Variants in DLGAP1 observed in about 807,000 individuals in gnomAD.
DLGAP1 encodes disks large-associated protein 1.
A neutral mutation model predicts 90.8 loss-of-function variants in DLGAP1; 11 were observed. The ratio of observed to expected loss-of-function variants is 0.12; its 90% CI spans 0.08 to 0.20. The LOEUF is 0.20. DLGAP1 is among the 10% of genes least tolerant of loss of function. The pLI is 1.00. For synonymous variants in DLGAP1, 558 were observed against 540.7 expected (o/e 1.03, Z -0.44); for missense variants, 1,050 against 1,333.8 (o/e 0.79, Z 3.31).
intron 2 of DLGAP1, among the ~76,000 whole-genome samples, chr18:4,093,591 A>C (rs908531620): frequency 6.6e-6 from 1 of 152,214 alleles, no homozygotes; most frequent in African/African-American, 2.4e-5. Context: ...ATCAAAAAAA[A>C]AAAGGTCTTT....
chr18:4,352,002 G>A (rs2143989727), intron 1 of DLGAP1, among the ~76,000 whole-genome samples: 1 of 152,238 alleles, frequency 6.6e-6, no homozygotes, highest in East Asian at 1.9e-4. Context: ...ACCATGAGGT[G>A]CAACAGAATA....
intron 1 of DLGAP1, among the ~76,000 whole-genome samples, chr18:4,313,224 TA>T (rs1758990828): frequency 6.6e-6 from 1 of 152,132 alleles, no homozygotes; most frequent in African/African-American, 2.4e-5. Context: ...AAGCACTAAA[TA>T]AGGAATTTTA....
At chr18:3,794,283 T>C (rs7241057) in intron 5 of DLGAP1, among the ~76,000 whole-genome samples, 150,081 of 152,306 alleles carry the variant, frequency 0.99, 73,946 homozygotes, top group East Asian at 1. Context: ...AGGTCAGTGA[T>C]GAGGCAGGAA....
intron 7 of DLGAP1, among the ~76,000 whole-genome samples, chr18:3,641,452 G>A (rs1017366704): frequency 1.2e-4 from 18 of 149,546 alleles, no homozygotes; most frequent in African/African-American, 3.0e-4. Flanking sequence ...CAGGAGAATC[G>A]CTTGAACCCG....
intron 1 of DLGAP1, among the ~76,000 whole-genome samples, chr18:4,335,329 C>T (rs1228132145): frequency 2.0e-5 from 3 of 151,944 alleles, no homozygotes; most frequent in East Asian, 1.9e-4. Flanking sequence ...TCCCACCTTC[C>T]ACAGCATGAT....
At chr18:3,865,906 A>G (rs1458843592) in intron 4 of DLGAP1, among the ~76,000 whole-genome samples, 1 of 152,170 alleles carries the variant, frequency 6.6e-6, no homozygotes, top group Non-Finnish European at 1.5e-5. Flanking sequence ...CCCCATCTTC[A>G]TCTTATTCTT....
chr18:3,557,753 C>T (rs1057012827), intron 9 of DLGAP1, among the ~76,000 whole-genome samples: 2 of 151,864 alleles, frequency 1.3e-5, no homozygotes, highest in African/African-American at 4.8e-5. Flanking sequence ...GTGGTGAAAC[C>T]CTGTCTCTAC....
At chr18:3,814,336 CTTTTTT>C in intron 4 of DLGAP1, 63 bp from the exon 5 acceptor site, 1 of 1,147,416 alleles carries the variant, frequency 8.7e-7, no homozygotes, top group South Asian at 1.6e-5. Flanking sequence ...TTTTCTTTTT[CTTTTTT>C]TTTAGATTTA....
At chr18:4,010,593 G>A (rs1270241520) in intron 2 of DLGAP1, among the ~76,000 whole-genome samples, 1 of 151,972 alleles carries the variant, frequency 6.6e-6, no homozygotes, top group Non-Finnish European at 1.5e-5. Flanking sequence ...TGAGAATGAA[G>A]CATTTGAGGC....
chr18:4,265,841 T>C (rs2079118820), intron 1 of DLGAP1, among the ~76,000 whole-genome samples: 1 of 151,504 alleles, frequency 6.6e-6, no homozygotes. Context: ...GTGTGTGCCA[T>C]CATACCTGGC....
intron 1 of DLGAP1, among the ~76,000 whole-genome samples, chr18:4,330,261 A>T (rs1568517826): frequency 6.6e-6 from 1 of 151,580 alleles, no homozygotes; most frequent in Non-Finnish European, 1.5e-5. Flanking sequence ...TTATTTTCTG[A>T]TTGGACTGGC....
intron 7 of DLGAP1, among the ~76,000 whole-genome samples, chr18:3,595,378 T>TA (rs2056521343): frequency 6.6e-6 from 1 of 152,192 alleles, no homozygotes; most frequent in Non-Finnish European, 1.5e-5. Context: ...TGGACTTCTA[T>TA]TGAAGTTTGG....
At chr18:3,839,216 A>G (rs1228805758) in intron 4 of DLGAP1, among the ~76,000 whole-genome samples, 1 of 152,206 alleles carries the variant, frequency 6.6e-6, no homozygotes, top group African/African-American at 2.4e-5. Context: ...TAATTCATCA[A>G]TCCACTCATT....
chr18:4,137,030 C>T (rs1846652393), intron 2 of DLGAP1, among the ~76,000 whole-genome samples: 1 of 152,112 alleles, frequency 6.6e-6, no homozygotes, highest in South Asian at 2.1e-4. Flanking sequence ...AGGTATATCT[C>T]CTAATGCTAT....
intron 2 of DLGAP1, among the ~76,000 whole-genome samples, chr18:4,093,976 C>T (rs2075630493): frequency 1.3e-5 from 2 of 152,140 alleles, no homozygotes; most frequent in Non-Finnish European, 2.9e-5. Flanking sequence ...AGACGCTCCA[C>T]TTATTTAAAT....
At chr18:3,696,244 G>C (rs9947277) in intron 7 of DLGAP1, among the ~76,000 whole-genome samples, 26,689 of 152,186 alleles carry the variant, frequency 0.18, 2,736 homozygotes, top group East Asian at 0.46. Context: ...TTGAATAGGA[G>C]TGGTGAGAGA....
At chr18:3,967,840 C>A (rs1189383003) in intron 3 of DLGAP1, among the ~76,000 whole-genome samples, 1 of 151,998 alleles carries the variant, frequency 6.6e-6, no homozygotes, top group Non-Finnish European at 1.5e-5. Context: ...GAAAATCACC[C>A]AACTATGCAG....
intron 1 of DLGAP1, among the ~76,000 whole-genome samples, chr18:4,210,158 A>G (rs1248584079): frequency 6.6e-6 from 1 of 152,180 alleles, no homozygotes; most frequent in African/African-American, 2.4e-5. Context: ...TGTAATTTTA[A>G]AAAGTCAATT....
intron 7 of DLGAP1, among the ~76,000 whole-genome samples, chr18:3,716,290 T>C (rs528532199): frequency 6.6e-6 from 1 of 152,372 alleles, no homozygotes; most frequent in African/African-American, 2.4e-5. Context: ...GGCTCATTCC[T>C]GTAATCCCAG....
Sources: gnomAD v4.1 joint callset for allele counts (sites outside exome capture counted in the v4.1 genomes callset) on GRCh38, gnomAD v4.1.1 for gene constraint, MANE v1.5 for transcripts, NCBI Gene and HGNC (gene_info 2026-07-23, HGNC 2026-07-21) for gene names.